Variants in DPP10 observed in about 807,000 individuals in gnomAD.
DPP10 encodes the protein inactive dipeptidyl peptidase 10.
In DPP10, 33 loss-of-function variants were observed where a neutral mutation model predicts 120.9. The ratio of observed to expected loss-of-function variants is 0.27; its 90% CI spans 0.21 to 0.37. The LOEUF (loss-of-function observed/expected upper bound fraction) is 0.37, where lower values mean the gene tolerates loss of function less well. DPP10 is among the 10% of genes least tolerant of loss of function. The pLI is 1.00. For synonymous variants in DPP10, 337 were observed against 326.1 expected, an observed-to-expected ratio of 1.03 and a Z score of -0.36; for missense variants, 816 against 942.8, an observed-to-expected ratio of 0.87 and a Z score of 1.76.
chr2:114,992,539 T>C (rs1340380755), intron 1 of DPP10, among the ~76,000 whole-genome samples: 2 of 152,210 alleles, frequency 1.3e-5, no homozygotes, highest in East Asian at 3.9e-4. Context: ...TTATGTTAAC[T>C]GAAATTAGTT....
intron 1 of DPP10, among the ~76,000 whole-genome samples, chr2:115,060,852 T>G (rs17043957): frequency 0.026 from 3,992 of 152,258 alleles, 87 homozygotes; most frequent in African/African-American, 0.065. Context: ...CCTCAAATTT[T>G]TAATCTTAGA....
Position 115,712,540 on chromosome 2 carries a change from T to TTTTATATATATA in DPP10, c.577-15275_577-15274insTTATATATATAT, listed in dbSNP as rs778592374. Reference sequence around the variant, plus strand: ...AGAAATAGCTTTGAAGAGTCCTGAATTAAATATATATATATATATATATAT... The same window carrying TTTTATATATATA: ...AGAAATAGCTTTGAAGAGTCCTGAATTTTATATATATATAAATATATATATATATATATATAT... On this transcript the variant is annotated intron_variant, in intron 7 of 25. Transcript: ENST00000410059. Among the ~76,000 whole-genome samples the TTTTATATATATA allele has an allele frequency of 1.4e-3, 25 of 18,072 alleles. 2 individuals carry two copies. Among genetic ancestry groups the TTTTATATATATA allele is most frequent in the Middle Eastern group, 0.05 (1 of 20 alleles). The allele number at this position is 18,072 out of a possible 152,430, so 11.9% of individuals were successfully genotyped here.
intron 5 of DPP10, among the ~76,000 whole-genome samples, chr2:115,685,243 A>G (rs922995843): frequency 3.9e-5 from 6 of 151,996 alleles, no homozygotes; most frequent in African/African-American, 1.4e-4. Context: ...AGTTATTATT[A>G]TATGCAGGAC....
intron 1 of DPP10, among the ~76,000 whole-genome samples, chr2:114,870,363 A>C (rs1488747527): frequency 6.6e-6 from 1 of 152,226 alleles, no homozygotes; most frequent in Admixed American, 6.5e-5. Flanking sequence ...GAAATATTCA[A>C]TGAATTCTAT....
chr2:115,806,494 T>C (rs896073679), intron 19 of DPP10, among the ~76,000 whole-genome samples: 6 of 152,228 alleles, frequency 3.9e-5, no homozygotes, highest in Non-Finnish European at 8.8e-5. Flanking sequence ...TTCCAGTTGA[T>C]AAATGGATTT....
intron 1 of DPP10, among the ~76,000 whole-genome samples, chr2:114,902,742 T>A (rs1032927558): frequency 2.6e-5 from 4 of 152,178 alleles, no homozygotes; most frequent in African/African-American, 9.7e-5. Context: ...CTCCCCATTA[T>A]AAACACTCCC....
intron 1 of DPP10, among the ~76,000 whole-genome samples, chr2:115,203,267 T>C (rs1386424578): frequency 6.6e-6 from 1 of 152,148 alleles, no homozygotes; most frequent in East Asian, 1.9e-4. Flanking sequence ...TCTTACTATG[T>C]TTTTCCCTCT....
At chr2:114,926,403 C>T (rs1695621758) in intron 1 of DPP10, among the ~76,000 whole-genome samples, 1 of 152,148 alleles carries the variant, frequency 6.6e-6, no homozygotes, top group Non-Finnish European at 1.5e-5. Flanking sequence ...GGCTAGAGTG[C>T]TTATGTTCCA....
intron 5 of DPP10, among the ~76,000 whole-genome samples, chr2:115,669,509 A>G (rs1376765379): frequency 6.6e-6 from 1 of 152,210 alleles, no homozygotes; most frequent in Non-Finnish European, 1.5e-5. Flanking sequence ...TCATATAGTC[A>G]GAAAGTTCCC....
intron 1 of DPP10, among the ~76,000 whole-genome samples, chr2:115,092,132 G>T (rs1469005181): frequency 2.0e-5 from 3 of 152,152 alleles, no homozygotes; most frequent in Admixed American, 2.0e-4. Flanking sequence ...ACCTCAGAAA[G>T]CTTAGATAAT....
intron 1 of DPP10, among the ~76,000 whole-genome samples, chr2:114,721,427 T>C (rs1701699804): frequency 6.6e-6 from 1 of 152,362 alleles, no homozygotes; most frequent in South Asian, 2.1e-4. Context: ...ATCTTTATCC[T>C]TTTTGGTGGG....
At chr2:114,550,797 G>A (rs1687822698) in intron 1 of DPP10, among the ~76,000 whole-genome samples, 1 of 152,252 alleles carries the variant, frequency 6.6e-6, no homozygotes, top group South Asian at 2.1e-4. Flanking sequence ...GTCTCTCAAG[G>A]TTAGGGACAG....
intron 1 of DPP10, among the ~76,000 whole-genome samples, chr2:115,155,708 T>A (rs971421959): frequency 3.9e-5 from 6 of 152,214 alleles, no homozygotes; most frequent in African/African-American, 1.4e-4. Context: ...GTTACACTTT[T>A]GACTGCATTC....
intron 1 of DPP10, among the ~76,000 whole-genome samples, chr2:115,271,730 A>G (rs1276311070): frequency 1.3e-5 from 2 of 152,216 alleles, no homozygotes; most frequent in Non-Finnish European, 2.9e-5. Flanking sequence ...ATATGAAAAA[A>G]TGGCAACAGC....
intron 1 of DPP10, among the ~76,000 whole-genome samples, chr2:115,100,075 T>C (rs757233578): frequency 6.6e-6 from 1 of 152,098 alleles, no homozygotes; most frequent in Non-Finnish European, 1.5e-5. Flanking sequence ...GAGTGAAAAA[T>C]ATTTAATACA....
intron 17 of DPP10, among the ~76,000 whole-genome samples, chr2:115,790,107 C>A (rs1442076996): frequency 7.0e-6 from 1 of 143,150 alleles, no homozygotes; most frequent in Non-Finnish European, 1.5e-5. Flanking sequence ...GAGTCTCGCT[C>A]TGTCGCCCAG....
At chr2:114,736,402 G>A (rs561265354) in intron 1 of DPP10, among the ~76,000 whole-genome samples, 26 of 152,230 alleles carry the variant, frequency 1.7e-4, no homozygotes, top group African/African-American at 6.0e-4. Context: ...ATAAGCATCT[G>A]ATGAATGAAG....
At chr2:115,729,295 C>G (rs1223552656) in intron 8 of DPP10, among the ~76,000 whole-genome samples, 1 of 152,152 alleles carries the variant, frequency 6.6e-6, no homozygotes, top group East Asian at 1.9e-4. Context: ...AATTGAAGTG[C>G]AGAGACTAAG....
At chr2:115,109,155 C>A (rs2049089591) in intron 1 of DPP10, among the ~76,000 whole-genome samples, 1 of 152,114 alleles carries the variant, frequency 6.6e-6, no homozygotes, top group Admixed American at 6.5e-5. Context: ...GGAAGGATTG[C>A]CCCTTGTAGT....
Sources: allele counts gnomAD v4.1 joint callset (sites outside exome capture counted in the v4.1 genomes callset), GRCh38; gene constraint gnomAD v4.1.1; transcripts MANE v1.5; gene names NCBI Gene and HGNC (gene_info 2026-07-23, HGNC 2026-07-21).